The following SASH1 variants were observed in gnomAD, a reference collection of about 807,000 sequenced individuals.
The protein encoded by SASH1 is SAM and SH3 domain-containing protein 1.
A neutral mutation model predicts 125.2 loss-of-function variants in SASH1; 44 were observed. That is an observed-to-expected ratio of 0.35 (90% CI 0.28 to 0.45). SASH1 has a LOEUF of 0.45. Ranked by LOEUF, SASH1 falls within the 20% of genes least tolerant of loss-of-function variation. SASH1 has a pLI of 1.00. For missense variants in SASH1, 1,426 were observed against 1,614.5 expected (o/e 0.88, Z 2.00); for synonymous variants, 639 against 649.1 (o/e 0.98, Z 0.24).
chr6:148,216,670 T>C, the SASH1 span, among the ~76,000 whole-genome samples: 1 of 152,036 alleles, frequency 6.6e-6, no homozygotes, highest in Non-Finnish European at 1.5e-5. Context: ...GAGGATGAGA[T>C]GGCAGTGCTG....
chr6:148,360,644 G>GC lies in SASH1; in HGVS notation c.156+17423dup, dbSNP rs948720689. On this transcript the variant is annotated intron_variant, in intron 1 of 19. Coordinates refer to ENST00000367467, the MANE Select transcript of SASH1 (RefSeq NM_015278.5). ...GATTACAGGCGTGAGCCACCCCCCC[G>GC]CCAGGCTTTAAAGCCTTTTTAACAA... 2.0e-4 allele frequency among the ~76,000 whole-genome samples: 21 copies of GC among 105,172 alleles called. 1 individual carries two copies. The highest frequency in any genetic ancestry group is 1.3e-3 in the Admixed American group (15 of 11,984). The allele number at this position is 105,172 out of a possible 152,430, so 69.0% of individuals were successfully genotyped here.
At chr6:148,542,773 T>A (rs1782301210) in intron 17 of SASH1, among the ~76,000 whole-genome samples, 1 of 152,238 alleles carries the variant, frequency 6.6e-6, no homozygotes, top group Non-Finnish European at 1.5e-5. Flanking sequence ...TGTTGGTGTT[T>A]ATCAGTGTGG....
At position 148,307,221 on chromosome 6, in the gene SASH1, C is replaced by A. The variant is rs868728068; in HGVS notation, n.74+34844C>A. ...GCAACCTCCGCCTCCCAGGTTCAAG[C>A]GATTCTCCTGCCTCAGCCTCCTGAG... On this transcript the variant is annotated intron_variant and non_coding_transcript_variant, in intron 1 of 3. Coordinates refer to the SASH1 transcript ENST00000367469. Among the ~76,000 whole-genome samples the A allele has an allele frequency of 3.9e-4, 59 of 152,030 alleles. No homozygotes were observed. In the Middle Eastern group the frequency reaches 0.024, roughly 61 times the overall value.
chr6:148,425,307 A>G (rs944589048), intron 2 of SASH1, among the ~76,000 whole-genome samples: 4 of 152,222 alleles, frequency 2.6e-5, no homozygotes, highest in African/African-American at 9.6e-5. Flanking sequence ...TTTTCATAAG[A>G]GATTTCACTG....
intron 2 of SASH1, among the ~76,000 whole-genome samples, chr6:148,424,704 T>C (rs1411603602): frequency 6.6e-6 from 1 of 152,176 alleles, no homozygotes; most frequent in Non-Finnish European, 1.5e-5. Flanking sequence ...GTCTTGATCA[T>C]CCCTTTTAGA....
At chr6:148,433,273 T>C (rs1466474380) in intron 2 of SASH1, among the ~76,000 whole-genome samples, 1 of 152,186 alleles carries the variant, frequency 6.6e-6, no homozygotes. Flanking sequence ...AAAGTATGAA[T>C]ATGAAATCAT....
At position 148,408,860 on chromosome 6, in the gene SASH1, C is replaced by T. The variant is rs62432285; in HGVS notation, c.285+18598C>T. 5.1e-3 allele frequency among the ~76,000 whole-genome samples: 769 copies of T among 152,248 alleles called. 4 individuals are homozygous for T. The highest frequency in any genetic ancestry group is 8.1e-3 in the Non-Finnish European group (549 of 68,026). ...AATATTTGCATATGGTGTAAGGTGT[C>T]CCCTTATTTTCATTATCTTGCAGTT... On this transcript the variant is annotated intron_variant, in intron 2 of 19. Transcript: ENST00000367467.
At chr6:148,416,876 A>G (rs1201648517) in intron 2 of SASH1, among the ~76,000 whole-genome samples, 1 of 152,218 alleles carries the variant, frequency 6.6e-6, no homozygotes, top group African/African-American at 2.4e-5. Context: ...AGACCCAGCC[A>G]TTGAGGGAGA....
At chr6:148,272,574 C>T (rs950872304) in intron 1 of SASH1, among the ~76,000 whole-genome samples, 1 of 152,066 alleles carries the variant, frequency 6.6e-6, no homozygotes, top group Non-Finnish European at 1.5e-5. Flanking sequence ...ATTCCTTCAC[C>T]GGGCTTTGCC....
In SASH1 at chr6:148,298,070, G is replaced by A. The variant is rs528720832; in HGVS notation, n.74+25693G>A. ...CGCCCAGGCTGGACTCCAGTGGCACGGTCTTGGCTCGCTGCAACCTCTGCC... is the reference window on the plus strand; with the variant it reads ...CGCCCAGGCTGGACTCCAGTGGCACAGTCTTGGCTCGCTGCAACCTCTGCC... On this transcript the variant is annotated intron_variant and non_coding_transcript_variant, in intron 1 of 3. Transcript: ENST00000367469. Among the ~76,000 whole-genome samples, 112 of 149,428 alleles carry A rather than the reference G, an allele frequency of 7.5e-4. 1 individual carries two copies. The highest frequency in any genetic ancestry group is 6.9e-3 in the Middle Eastern group (2 of 290).
chr6:148,362,306 T>C (rs1229906528), intron 1 of SASH1, among the ~76,000 whole-genome samples: 1 of 151,082 alleles, frequency 6.6e-6, no homozygotes, highest in Non-Finnish European at 1.5e-5. Context: ...CACTACAACC[T>C]CTGCCTCTCT....
chr6:148,211,359 T>C, the SASH1 span, among the ~76,000 whole-genome samples: 2 of 152,086 alleles, frequency 1.3e-5, no homozygotes, highest in African/African-American at 2.4e-5. Context: ...TCACCTGAGG[T>C]CAGGAGTTCA....
chr6:148,236,165 G>T, the SASH1 span, among the ~76,000 whole-genome samples: 1 of 152,090 alleles, frequency 6.6e-6, no homozygotes, highest in East Asian at 1.9e-4. Flanking sequence ...CAGGGAACAG[G>T]AAGGAACACA....
intron 1 of SASH1, 137 bp downstream of exon 1, chr6:148,343,360 G>C (rs975682927): frequency 2.8e-6 from 2 of 703,832 alleles, no homozygotes; most frequent in Non-Finnish European, 4.5e-6. Flanking sequence ...GTTCTTAGGG[G>C]GCTAAATACA....
At chr6:148,270,702 C>G (rs935046789), upstream of SASH1, among the ~76,000 whole-genome samples, 1 of 152,130 alleles carries the variant, frequency 6.6e-6, no homozygotes, top group African/African-American at 2.4e-5. Flanking sequence ...CAAAAAGGCT[C>G]TTACCTTCTG....
At chr6:148,379,856 G>A (rs889108629) in intron 1 of SASH1, 11 of 453,446 alleles carry the variant, frequency 2.4e-5, no homozygotes, top group Non-Finnish European at 4.9e-5. Context: ...ATGTTAAAGA[G>A]CTGCCATGTT....
chr6:148,236,218 AT>A, the SASH1 span, among the ~76,000 whole-genome samples: 1,550 of 145,516 alleles, frequency 0.011, 22 homozygotes, highest in African/African-American at 0.033. Context: ...ATTAAATTAA[AT>A]TTTTTTTTTT....
At chr6:148,417,191 A>G (rs1280705294) in intron 2 of SASH1, among the ~76,000 whole-genome samples, 1 of 152,152 alleles carries the variant, frequency 6.6e-6, no homozygotes, top group Non-Finnish European at 1.5e-5. Context: ...CAGGCTAGAG[A>G]GTAGGGGAGG....
chr6:148,245,324 T>C, the SASH1 span, among the ~76,000 whole-genome samples: 1 of 152,102 alleles, frequency 6.6e-6, no homozygotes, highest in Non-Finnish European at 1.5e-5. Flanking sequence ...ATAAAATCGG[T>C]TCTTGGTATT....
Sources: gnomAD v4.1 joint callset for allele counts (sites outside exome capture counted in the v4.1 genomes callset) on GRCh38, gnomAD v4.1.1 for gene constraint, MANE v1.5 for transcripts, NCBI Gene and HGNC (gene_info 2026-07-23, HGNC 2026-07-21) for gene names.